CDH12: variants seen among roughly 807,000 people sequenced by gnomAD.
CDH12 encodes the protein cadherin 12, also known as cadherin-12.
A neutral mutation model predicts 74.1 loss-of-function variants in CDH12; 41 were observed. The observed-to-expected ratio is 0.55, with a 90% CI of 0.43 to 0.72. The LOEUF (loss-of-function observed/expected upper bound fraction) is 0.72, where lower values mean the gene tolerates loss of function less well. Ranked by LOEUF, CDH12 falls within the 30% of genes least tolerant of loss-of-function variation. CDH12 has a pLI of 0.00. For missense variants in CDH12, 945 were observed against 977.2 expected (o/e 0.97, Z 0.44); for synonymous variants, 399 against 355.0 (o/e 1.12, Z -1.39).
chr5:22,796,150 T>A (rs944023175), intron 1 of CDH12, among the ~76,000 whole-genome samples: 1 of 152,214 alleles, frequency 6.6e-6, no homozygotes, highest in African/African-American at 2.4e-5. Flanking sequence ...GTTGCAATAA[T>A]ATACAAGTGC....
At chr5:21,893,746 A>G (rs1752995840) in intron 6 of CDH12, among the ~76,000 whole-genome samples, 1 of 152,208 alleles carries the variant, frequency 6.6e-6, no homozygotes, top group Non-Finnish European at 1.5e-5. Flanking sequence ...AGAATGAATC[A>G]TGTCATTCTT....
intron 1 of CDH12, among the ~76,000 whole-genome samples, chr5:22,741,432 G>C (rs1745021005): frequency 6.6e-6 from 1 of 152,128 alleles, no homozygotes; most frequent in South Asian, 2.1e-4. Flanking sequence ...GATGCTTTTG[G>C]TAGGAAACCT....
intron 3 of CDH12, among the ~76,000 whole-genome samples, chr5:22,234,926 G>T (rs187337294): frequency 6.6e-6 from 1 of 151,212 alleles, no homozygotes; most frequent in Non-Finnish European, 1.5e-5. Context: ...ACAAATGTTT[G>T]TACAAACCAA....
intron 11 of CDH12, among the ~76,000 whole-genome samples, chr5:21,769,797 C>T (rs374221401): frequency 3.9e-5 from 6 of 152,260 alleles, no homozygotes; most frequent in Non-Finnish European, 1.5e-5. Context: ...CTGTTGGCAT[C>T]AACCACCATT....
intron 1 of CDH12, among the ~76,000 whole-genome samples, chr5:22,567,988 C>T (rs1739372712): frequency 1.3e-5 from 2 of 152,168 alleles, no homozygotes; most frequent in African/African-American, 4.8e-5. Flanking sequence ...TGTGTGACTT[C>T]TTCAGTGTTT....
intron 1 of CDH12, among the ~76,000 whole-genome samples, chr5:22,670,711 TA>T (rs1370997447): frequency 6.6e-6 from 1 of 152,050 alleles, no homozygotes; most frequent in African/African-American, 2.4e-5. Context: ...ATACATATTT[TA>T]AAGGTTTTTA....
intron 4 of CDH12, among the ~76,000 whole-genome samples, chr5:22,185,471 G>A (rs1749891716): frequency 6.6e-6 from 1 of 152,138 alleles, no homozygotes; most frequent in African/African-American, 2.4e-5. Flanking sequence ...AATGGCACAC[G>A]TGAGCTACTG....
chr5:22,174,689 T>A (rs1210938400), intron 4 of CDH12, among the ~76,000 whole-genome samples: 1 of 151,938 alleles, frequency 6.6e-6, no homozygotes, highest in Non-Finnish European at 1.5e-5. Context: ...TGAGGACAAG[T>A]AAAGACTGAG....
chr5:21,842,618 G>T (rs1749936019), intron 7 of CDH12, among the ~76,000 whole-genome samples: 1 of 152,018 alleles, frequency 6.6e-6, no homozygotes, highest in African/African-American at 2.4e-5. Context: ...AGCCAAGTTA[G>T]ACATGATTTA....
chr5:22,664,301 C>T (rs906712120), intron 1 of CDH12, among the ~76,000 whole-genome samples: 15 of 152,170 alleles, frequency 9.9e-5, no homozygotes, highest in African/African-American at 3.6e-4. Flanking sequence ...AAATGACTCA[C>T]ATTCAGCATG....
intron 4 of CDH12, chr5:22,143,581 T>G (rs1746955934): frequency 6.6e-6 from 1 of 152,114 alleles, no homozygotes; most frequent in Non-Finnish European, 1.5e-5. Context: ...CTTGGTCAAG[T>G]TGGTCTGGAA....
intron 6 of CDH12, among the ~76,000 whole-genome samples, chr5:21,905,530 A>C (rs2150058258): frequency 6.6e-6 from 1 of 152,310 alleles, no homozygotes; most frequent in Non-Finnish European, 1.5e-5. Flanking sequence ...AGGTTTTAGA[A>C]CTTTTGCAAC....
intron 3 of CDH12, among the ~76,000 whole-genome samples, chr5:22,306,315 C>A (rs758976366): frequency 6.6e-6 from 1 of 151,066 alleles, no homozygotes; most frequent in Non-Finnish European, 1.5e-5. Flanking sequence ...AGAGAATATG[C>A]TTTGCCTTGT....
intron 2 of CDH12, among the ~76,000 whole-genome samples, chr5:22,496,020 T>C (rs2126647960): frequency 6.6e-6 from 1 of 152,334 alleles, no homozygotes; most frequent in African/African-American, 2.4e-5. Context: ...TACATAATCC[T>C]TATAAACAAC....
chr5:22,321,758 T>C (rs1258539615), intron 3 of CDH12, among the ~76,000 whole-genome samples: 1 of 152,214 alleles, frequency 6.6e-6, no homozygotes, highest in African/African-American at 2.4e-5. Context: ...ATGTACTTAT[T>C]TTGTAATATC....
At chr5:22,345,612 G>GCT (rs1182208470) in intron 3 of CDH12, among the ~76,000 whole-genome samples, 7 of 152,148 alleles carry the variant, frequency 4.6e-5, no homozygotes, top group Admixed American at 3.9e-4. Context: ...ACTGATGGCT[G>GCT]TCATTTCAAT....
intron 1 of CDH12, among the ~76,000 whole-genome samples, chr5:22,666,736 A>G (rs1304932550): frequency 6.6e-6 from 1 of 152,218 alleles, no homozygotes; most frequent in African/African-American, 2.4e-5. Context: ...TGACATTTTT[A>G]TGACATTGTG....
chr5:21,817,691 A>C (rs1382718535), intron 8 of CDH12, among the ~76,000 whole-genome samples: 5 of 152,054 alleles, frequency 3.3e-5, no homozygotes, highest in Non-Finnish European at 7.4e-5. Flanking sequence ...GATAGATTGA[A>C]ATATAGTATA....
At chr5:21,996,105 GTTTTTTTTTTTTTTTT>G (rs61516659) in intron 5 of CDH12, among the ~76,000 whole-genome samples, 4 of 113,624 alleles carry the variant, frequency 3.5e-5, no homozygotes, top group Admixed American at 9.4e-5. Context: ...TCACACACAC[GTTTTTTTTTTTTTTTT>G]TTTTTTTTTT....
Sources: gnomAD v4.1 joint callset for allele counts (sites outside exome capture counted in the v4.1 genomes callset) on GRCh38, gnomAD v4.1.1 for gene constraint, MANE v1.5 for transcripts, NCBI Gene and HGNC (gene_info 2026-07-23, HGNC 2026-07-21) for gene names.